Variants in PDE4D observed in about 807,000 individuals in gnomAD.
PDE4D encodes the protein 3',5'-cyclic-AMP phosphodiesterase 4D.
PDE4D carries 24 observed loss-of-function variants against 87.4 expected under a neutral mutation model. That is an observed-to-expected ratio of 0.27 (90% CI 0.20 to 0.39). The LOEUF is 0.39. Among genes scored for constraint, PDE4D ranks in the 10% least tolerant of loss-of-function variants. The probability of loss-of-function intolerance (pLI) is 1.00; values close to 1 mark genes in which losing one functional copy is unlikely to be tolerated. For missense variants in PDE4D, 714 were observed against 1,041.0 expected (o/e 0.69, Z 4.32); for synonymous variants, 384 against 383.2 (o/e 1.00, Z -0.02).
chr5:59,114,775 G>GA (rs1773295064), intron 5 of PDE4D, among the ~76,000 whole-genome samples: 1 of 151,404 alleles, frequency 6.6e-6, no homozygotes. Flanking sequence ...GAAATGAACT[G>GA]AAAAATATCT....
intron 1 of PDE4D, among the ~76,000 whole-genome samples, chr5:59,614,557 A>G (rs914424731): frequency 6.6e-6 from 1 of 152,218 alleles, no homozygotes; most frequent in Non-Finnish European, 1.5e-5. Context: ...ACAATATACA[A>G]ACTTCTATGT....
chr5:60,140,967 G>A (rs1222514058), intron 2 of PDE4D, among the ~76,000 whole-genome samples: 1 of 152,138 alleles, frequency 6.6e-6, no homozygotes, highest in Non-Finnish European at 1.5e-5. Flanking sequence ...CCAAAGCTAG[G>A]AAGGCAACTA....
chr5:59,417,651 A>G (rs898451943), intron 1 of PDE4D, among the ~76,000 whole-genome samples: 1 of 152,068 alleles, frequency 6.6e-6, no homozygotes, highest in Non-Finnish European at 1.5e-5. Flanking sequence ...ACAGAGTACT[A>G]GTACTATTTT....
chr5:60,036,353 TTTTG>T (rs1376653118), intron 2 of PDE4D, among the ~76,000 whole-genome samples: 8 of 152,168 alleles, frequency 5.3e-5, no homozygotes, highest in African/African-American at 1.9e-4. Context: ...AAGGAATACG[TTTTG>T]TTTAAAATCC....
intron 1 of PDE4D, among the ~76,000 whole-genome samples, chr5:59,672,858 C>T (rs983683705): frequency 6.6e-6 from 1 of 152,186 alleles, no homozygotes; most frequent in African/African-American, 2.4e-5. Flanking sequence ...ATTGAACATA[C>T]ACATTTATTG....
chr5:60,133,640 G>T (rs558511302), intron 2 of PDE4D, among the ~76,000 whole-genome samples: 1 of 152,278 alleles, frequency 6.6e-6, no homozygotes, highest in South Asian at 2.1e-4. Context: ...ATTAATTAGT[G>T]TTATACTACA....
chr5:59,523,427 T>A (rs1012447241), intron 1 of PDE4D, among the ~76,000 whole-genome samples: 2 of 152,264 alleles, frequency 1.3e-5, no homozygotes, highest in African/African-American at 2.4e-5. Context: ...AAATTTCCTA[T>A]GTTGTTTCTG....
At chr5:59,761,507 A>G (rs1761963389) in intron 1 of PDE4D, among the ~76,000 whole-genome samples, 1 of 151,936 alleles carries the variant, frequency 6.6e-6, no homozygotes, top group Non-Finnish European at 1.5e-5. Context: ...GCACAAAAAT[A>G]TTTTCTCTAT....
intron 1 of PDE4D, among the ~76,000 whole-genome samples, chr5:59,744,864 T>C (rs1041577761): frequency 6.6e-6 from 1 of 152,200 alleles, no homozygotes; most frequent in Non-Finnish European, 1.5e-5. Context: ...CCTGGATAGC[T>C]ATGGTAACAA....
chr5:59,893,342 C>G lies in PDE4D; in HGVS notation c.281G>C (p.Arg94Pro). The G allele has an allele frequency of 6.9e-7, 1 of 1,457,234 alleles. No individual in the cohort carries two copies. The highest frequency in any genetic ancestry group is 9.1e-7 in the Non-Finnish European group (1 of 1,098,294). The allele number at this position is 1,457,234 out of a possible 1,614,324, so 90.3% of individuals were successfully genotyped here. A position where few individuals can be genotyped will look rare whatever the true frequency, so the allele number is the denominator to read the frequency against. The part of the protein sequence containing the change: ...PPPPPGAARG[R>P]YASSGATGRV... ...GCCGGTGGCCCCGCTCGAGGCGTAG[C>G]GGCCGCGGGCAGCCCCGGGCGGCGG... The change falls in exon 1 of 15, where the codon CGC becomes CCC. Residue 94 changes from arginine to proline, a missense_variant. Transcript: ENST00000340635.
chr5:59,487,628 A>C (rs982179168), intron 1 of PDE4D, among the ~76,000 whole-genome samples: 2 of 152,222 alleles, frequency 1.3e-5, no homozygotes, highest in African/African-American at 4.8e-5. Flanking sequence ...ATAAACTAAG[A>C]TAGCACTAAT....
chr5:60,499,571 G>A (rs538640968), intron 1 of PDE4D, among the ~76,000 whole-genome samples: 1 of 152,232 alleles, frequency 6.6e-6, no homozygotes, highest in South Asian at 2.1e-4. Flanking sequence ...GGCTCTCTTT[G>A]GAAATGGATG....
intron 1 of PDE4D, among the ~76,000 whole-genome samples, chr5:60,186,895 C>T (rs1423682197): frequency 6.6e-6 from 1 of 152,068 alleles, no homozygotes; most frequent in East Asian, 1.9e-4. Flanking sequence ...AGGAACACAG[C>T]CTTTTTAAAG....
intron 1 of PDE4D, among the ~76,000 whole-genome samples, chr5:59,579,819 C>A (rs1364271128): frequency 6.6e-6 from 1 of 152,210 alleles, no homozygotes; most frequent in African/African-American, 2.4e-5. Flanking sequence ...CAAAGTGTGA[C>A]ACCTTTCCTA....
At chr5:59,970,079 T>C (rs1400595646) in intron 3 of PDE4D, among the ~76,000 whole-genome samples, 1 of 152,174 alleles carries the variant, frequency 6.6e-6, no homozygotes, top group East Asian at 1.9e-4. Flanking sequence ...TTCAAAATGT[T>C]TGTATCAGGA....
At position 59,051,000 on chromosome 5, in the gene PDE4D, C is replaced by CTATTTT. The variant is rs1182382065; in HGVS notation, c.809-12035_809-12030dup. On this transcript the variant is annotated intron_variant, in intron 5 of 14. Transcript: ENST00000340635. ...CAGATTCTCAATCCTAAAACAGTTA[C>CTATTTT]TATTTTTCCATCATCACCATCAACC... is the stretch of plus-strand genomic sequence containing the variant. Among the ~76,000 whole-genome samples the CTATTTT allele has an allele frequency of 8.5e-5, 13 of 152,324 alleles. No individual in the cohort carries two copies. In the East Asian group the frequency reaches 2.5e-3, roughly 29 times the overall value.
chr5:60,001,403 T>C (rs1763999970), intron 2 of PDE4D, among the ~76,000 whole-genome samples: 1 of 152,120 alleles, frequency 6.6e-6, no homozygotes, highest in Non-Finnish European at 1.5e-5. Flanking sequence ...CCCTGCAAAG[T>C]TAGCCTTCAG....
At chr5:59,999,122 CAG>C (rs1252740901) in intron 2 of PDE4D, among the ~76,000 whole-genome samples, 4 of 152,124 alleles carry the variant, frequency 2.6e-5, no homozygotes, top group Non-Finnish European at 2.9e-5. Context: ...CTCATTGAAA[CAG>C]ATGAGAAAAG....
At chr5:59,978,512 T>C (rs1761574581) in intron 3 of PDE4D, among the ~76,000 whole-genome samples, 1 of 152,188 alleles carries the variant, frequency 6.6e-6, no homozygotes, top group Non-Finnish European at 1.5e-5. Context: ...TGAGGAGTTG[T>C]TTCTTGGATG....
Sources: gnomAD v4.1 joint callset for allele counts (sites outside exome capture counted in the v4.1 genomes callset) on GRCh38, gnomAD v4.1.1 for gene constraint, MANE v1.5 for transcripts, NCBI Gene and HGNC (gene_info 2026-07-23, HGNC 2026-07-21) for gene names.